RPH3AL: variants seen among roughly 807,000 people sequenced by gnomAD.
The protein encoded by RPH3AL is rabphilin 3A like (without C2 domains).
RPH3AL carries 38 observed loss-of-function variants against 43.1 expected under a neutral mutation model. The observed-to-expected ratio is 0.88, with a 90% CI of 0.68 to 1.15. RPH3AL has a LOEUF of 1.15. RPH3AL is among the 50% of genes most tolerant of loss of function. The pLI, the probability that RPH3AL is intolerant of heterozygous loss-of-function variation, is 0.00. For synonymous variants in RPH3AL, 189 were observed against 176.3 expected (o/e 1.07, Z -0.57); for missense variants, 462 against 423.2 (o/e 1.09, Z -0.81).
intron 1 of RPH3AL, among the ~76,000 whole-genome samples, chr17:352,399 G>A (rs945436891): frequency 6.6e-5 from 10 of 152,158 alleles, no homozygotes; most frequent in Admixed American, 2.6e-4. Context: ...AAAGAGCAAC[G>A]GAGGCACCAG....
At chr17:299,677 G>C (rs1162713985) in intron 5 of RPH3AL, among the ~76,000 whole-genome samples, 1 of 152,260 alleles carries the variant, frequency 6.6e-6, no homozygotes. Context: ...CCCGAAGTGT[G>C]CCAGCTTGCA....
chr17:244,293 G>T (rs1306262844), intron 7 of RPH3AL, among the ~76,000 whole-genome samples: 4 of 151,702 alleles, frequency 2.6e-5, no homozygotes, highest in Admixed American at 2.6e-4. Flanking sequence ...TTCCTCTATT[G>T]ATTACCCTTC....
At chr17:340,730 CCCCA>C (rs2045098223) in intron 1 of RPH3AL, among the ~76,000 whole-genome samples, 2 of 92,272 alleles carry the variant, frequency 2.2e-5, no homozygotes, top group African/African-American at 9.4e-5. Flanking sequence ...ACTCACTGCC[CCCCA>C]CCCAGGCCTC....
intron 7 of RPH3AL, among the ~76,000 whole-genome samples, chr17:227,081 C>A (rs868130766): frequency 1.3e-5 from 2 of 152,188 alleles, no homozygotes; most frequent in South Asian, 2.1e-4. Context: ...GGGGGAGAAG[C>A]TCCCCTCCTG....
chr17:234,852 G>C (rs566355737), intron 7 of RPH3AL, among the ~76,000 whole-genome samples: 57 of 152,338 alleles, frequency 3.7e-4, no homozygotes, highest in African/African-American at 1.3e-3. Flanking sequence ...AAATCTCTCA[G>C]GGACAGAGAG....
chr17:315,805 G>A (rs2044087993), intron 5 of RPH3AL, among the ~76,000 whole-genome samples: 1 of 105,338 alleles, frequency 9.5e-6, no homozygotes, highest in African/African-American at 3.1e-5. Flanking sequence ...TAGTCCCTGT[G>A]CCCCACCTCC....
chr17:294,443 G>C (rs1369685358), intron 5 of RPH3AL, among the ~76,000 whole-genome samples: 2 of 152,270 alleles, frequency 1.3e-5, no homozygotes, highest in Admixed American at 1.3e-4. Context: ...GACAGAGTGA[G>C]ACCCAGACTC....
Position 285,762 on chromosome 17 carries a change from C to T in RPH3AL, c.352-3908G>A, listed in dbSNP as rs113041699. Among the ~76,000 whole-genome samples the T allele has an allele frequency of 1.8e-3, 269 of 152,310 alleles. 2 individuals are homozygous for T. The highest frequency in any genetic ancestry group is 6.0e-3 in the African/African-American group (250 of 41,564). Reference sequence around the variant, plus strand: ...GGCCAGAGGACCCTGCCCTCAGTCTCCCCACTCAACCTGCCAACAGCCTGC... The same window carrying T: ...GGCCAGAGGACCCTGCCCTCAGTCTTCCCACTCAACCTGCCAACAGCCTGC... On this transcript the variant is annotated intron_variant, in intron 5 of 9. Transcript: ENST00000331302.
chr17:321,498 CG>C, intron 3 of RPH3AL, 83 bp from the exon 4 acceptor site: 1 of 1,415,654 alleles, frequency 7.1e-7, no homozygotes, highest in Non-Finnish European at 9.3e-7. Context: ...CAAGCCCCCC[CG>C]AGAACAGTCA....
At chr17:258,596 G>A (rs1461493903) in intron 6 of RPH3AL, among the ~76,000 whole-genome samples, 5 of 152,040 alleles carry the variant, frequency 3.3e-5, no homozygotes, top group South Asian at 2.1e-4. Context: ...CCCCCGGCCC[G>A]TGCCTCAGCC....
intron 6 of RPH3AL, among the ~76,000 whole-genome samples, chr17:275,289 AT>A (rs1370432482): frequency 6.6e-6 from 1 of 152,178 alleles, no homozygotes; most frequent in African/African-American, 2.4e-5. Flanking sequence ...CAATGGTAGA[AT>A]GGATAAATAG....
At chr17:313,699 C>T (rs991996260) in intron 5 of RPH3AL, among the ~76,000 whole-genome samples, 2 of 152,238 alleles carry the variant, frequency 1.3e-5, no homozygotes, top group African/African-American at 2.4e-5. Context: ...ATCTCCACAA[C>T]AGGGTGGACT....
rs1266601229 is a variant in RPH3AL, at chr17:346,491, TC to T, written c.-213+6220del. On this transcript the variant is annotated intron_variant, in intron 1 of 9. Coordinates refer to ENST00000331302, the MANE Select transcript of RPH3AL (RefSeq NM_006987.4). ...AAAGAGAGAGCTTGTGCAGGAAAACTCCCCCTTACAGAACCATCAGCTCTCG... is the reference window on the plus strand; with the variant it reads ...AAAGAGAGAGCTTGTGCAGGAAAACTCCCCTTACAGAACCATCAGCTCTCG... Among the ~76,000 whole-genome samples the T allele has an allele frequency of 3.0e-5, 4 of 133,472 alleles. 1 individual carries two copies. Among genetic ancestry groups the T allele is most frequent in the Non-Finnish European group, 6.8e-5 (4 of 58,806 alleles). 87.6% of individuals were successfully genotyped at this position (133,472 alleles called of 152,430 possible). A position where few individuals can be genotyped will look rare whatever the true frequency, so the allele number is the denominator to read the frequency against.
intron 1 of RPH3AL, among the ~76,000 whole-genome samples, chr17:342,198 A>C (rs2045137638): frequency 6.6e-6 from 1 of 152,244 alleles, no homozygotes; most frequent in South Asian, 2.1e-4. Flanking sequence ...ACACTAAAAA[A>C]TATGAAAAAT....
chr17:320,343 T>C (rs1319436868), intron 4 of RPH3AL, among the ~76,000 whole-genome samples: 1 of 151,974 alleles, frequency 6.6e-6, no homozygotes. Context: ...TCTTTCCCAC[T>C]GTAAAGATAA....
Position 227,892 on chromosome 17 carries a change from CTAATG to C in RPH3AL, c.614-8161_614-8157del, listed in dbSNP as rs138033075. Among the ~76,000 whole-genome samples, 428 of 152,296 alleles carry C rather than the reference CTAATG, an allele frequency of 2.8e-3. 5 individuals are homozygous for C. The highest frequency in any genetic ancestry group is 0.027 in the East Asian group (138 of 5,170). On this transcript the variant is annotated intron_variant, in intron 7 of 9. Coordinates refer to ENST00000331302, the MANE Select transcript of RPH3AL (RefSeq NM_006987.4). ...ATACTAAAAACAAAAAAAAAATTCT[CTAATG>C]TAAAGGAATGATGATAAGGCCCCTG...
chr17:332,922 GA>G, intron 2 of RPH3AL: 1 of 953,128 alleles, frequency 1.0e-6, no homozygotes, highest in Non-Finnish European at 1.4e-6. Context: ...CAGGGACTAG[GA>G]GGACCCGAGG....
Position 343,931 on chromosome 17 carries a change from C to CCAT in RPH3AL, c.-213+8778_-213+8780dup, listed in dbSNP as rs113637303. 1.6e-3 allele frequency among the ~76,000 whole-genome samples: 197 copies of CCAT among 124,064 alleles called. 3 individuals carry two copies. Among genetic ancestry groups the CCAT allele is most frequent in the African/African-American group, 4.9e-3 (183 of 37,670 alleles). The allele number at this position is 124,064 out of a possible 152,430, so 81.4% of individuals were successfully genotyped here. On this transcript the variant is annotated intron_variant, in intron 1 of 9. Coordinates refer to ENST00000331302, the MANE Select transcript of RPH3AL (RefSeq NM_006987.4). ...GCCATCATGGCCATCCTCATCATCA[C>CCAT]CATCATCATCATAATATTCACCATC...
intron 5 of RPH3AL, among the ~76,000 whole-genome samples, chr17:291,371 C>G (rs954852626): frequency 6.6e-6 from 1 of 152,084 alleles, no homozygotes; most frequent in Non-Finnish European, 1.5e-5. Flanking sequence ...GAGACTCCCC[C>G]ACCCCCCATC....
Sources: gnomAD v4.1 joint callset for allele counts (sites outside exome capture counted in the v4.1 genomes callset) on GRCh38, gnomAD v4.1.1 for gene constraint, MANE v1.5 for transcripts, NCBI Gene and HGNC (gene_info 2026-07-23, HGNC 2026-07-21) for gene names.